DLGAP1: variants seen among roughly 807,000 people sequenced by gnomAD.
DLGAP1 encodes disks large-associated protein 1.
DLGAP1 carries 11 observed loss-of-function variants against 90.8 expected under a neutral mutation model. The observed-to-expected ratio is 0.12, with a 90% CI of 0.08 to 0.20. The LOEUF (loss-of-function observed/expected upper bound fraction) is 0.20, where lower values mean the gene tolerates loss of function less well. DLGAP1 is among the 10% of genes least tolerant of loss of function. The pLI is 1.00. For synonymous variants in DLGAP1, 558 were observed against 540.7 expected (o/e 1.03, Z -0.44); for missense variants, 1,050 against 1,333.8 (o/e 0.79, Z 3.31).
In DLGAP1 at chr18:3,791,307, C is replaced by G. The variant is rs541926362; in HGVS notation, c.1172+22752G>C. On this transcript the variant is annotated intron_variant, in intron 5 of 12. Coordinates refer to ENST00000315677, the MANE Select transcript of DLGAP1 (RefSeq NM_004746.4). ...GCTTAATATAGCGTAGCAGTACTCA[C>G]TAGAAATCAGCGCAGATGGGAAGGC... Among the ~76,000 whole-genome samples, 124 of 152,340 alleles carry G rather than the reference C, an allele frequency of 8.1e-4. 3 individuals are homozygous for G. The Middle Eastern group carries it at 0.01, about 13-fold the overall frequency.
chr18:3,666,890 G>A (rs899172068), intron 7 of DLGAP1, among the ~76,000 whole-genome samples: 1 of 152,056 alleles, frequency 6.6e-6, no homozygotes, highest in East Asian at 1.9e-4. Flanking sequence ...CGTAGTAGCT[G>A]CAACTACAGG....
At chr18:3,815,088 A>G (rs1568180623) in intron 4 of DLGAP1, among the ~76,000 whole-genome samples, 1 of 152,244 alleles carries the variant, frequency 6.6e-6, no homozygotes, top group South Asian at 2.1e-4. Flanking sequence ...TAAGAATGCC[A>G]TTTGAAAGGA....
chr18:4,312,300 G>A (rs1416549141), intron 1 of DLGAP1, among the ~76,000 whole-genome samples: 1 of 152,126 alleles, frequency 6.6e-6, no homozygotes, highest in African/African-American at 2.4e-5. Flanking sequence ...CAATGCCTAC[G>A]ATTTATACAC....
chr18:3,809,387 T>C (rs933754710), intron 5 of DLGAP1, among the ~76,000 whole-genome samples: 3 of 152,222 alleles, frequency 2.0e-5, no homozygotes, highest in Non-Finnish European at 2.9e-5. Context: ...TTTTCCAATT[T>C]ATCTAAAACA....
intron 1 of DLGAP1, among the ~76,000 whole-genome samples, chr18:4,340,395 A>G (rs1004389314): frequency 2.0e-5 from 3 of 152,146 alleles, no homozygotes; most frequent in African/African-American, 7.2e-5. Context: ...AAAACTTAGA[A>G]TTTATTTCTG....
At chr18:4,040,683 AT>A (rs543063280) in intron 2 of DLGAP1, among the ~76,000 whole-genome samples, 3 of 152,184 alleles carry the variant, frequency 2.0e-5, no homozygotes, top group Non-Finnish European at 4.4e-5. Flanking sequence ...AGTGGTGCTC[AT>A]GGCAAATTAT....
intron 1 of DLGAP1, among the ~76,000 whole-genome samples, chr18:4,155,148 G>A (rs932965057): frequency 1.3e-5 from 2 of 152,086 alleles, no homozygotes; most frequent in Non-Finnish European, 2.9e-5. Flanking sequence ...GGGTGTTCCA[G>A]GCAGAGGGAC....
intron 3 of DLGAP1, among the ~76,000 whole-genome samples, chr18:3,885,008 A>C (rs1191040162): frequency 6.6e-6 from 1 of 152,220 alleles, no homozygotes; most frequent in Non-Finnish European, 1.5e-5. Flanking sequence ...TTAAAATGAA[A>C]ATAGGTCAAT....
At chr18:4,089,808 G>T (rs2075741678) in intron 2 of DLGAP1, among the ~76,000 whole-genome samples, 1 of 152,182 alleles carries the variant, frequency 6.6e-6, no homozygotes, top group African/African-American at 2.4e-5. Flanking sequence ...CACTTTGGGA[G>T]GCCGAGGCGG....
At chr18:3,545,897 T>G (rs556826345) in intron 9 of DLGAP1, among the ~76,000 whole-genome samples, 1 of 152,142 alleles carries the variant, frequency 6.6e-6, no homozygotes, top group Non-Finnish European at 1.5e-5. Context: ...AAGAGATCAA[T>G]TCATCAAAAG....
Position 3,572,419 on chromosome 18 carries a change from G to A in DLGAP1, c.1966-4838C>T, listed in dbSNP as rs184210243. Among the ~76,000 whole-genome samples, 244 of 142,606 alleles carry A rather than the reference G, an allele frequency of 1.7e-3. 1 individual carries two copies. The highest frequency in any genetic ancestry group is 6.3e-3 in the African/African-American group (239 of 37,642). The allele number at this position is 142,606 out of a possible 152,430, so 93.6% of individuals were successfully genotyped here. A position where few individuals can be genotyped will look rare whatever the true frequency, so the allele number is the denominator to read the frequency against. On this transcript the variant is annotated intron_variant, in intron 8 of 12. Coordinates refer to ENST00000315677, the MANE Select transcript of DLGAP1 (RefSeq NM_004746.4). ...CGTCTTTAAGCAGAAGTTTAGATTGGTTTCTTTTATTTATTTATTTGTTTG... is the reference window on the plus strand; with the variant it reads ...CGTCTTTAAGCAGAAGTTTAGATTGATTTCTTTTATTTATTTATTTGTTTG...
chr18:3,920,557 C>A (rs1021602779), intron 3 of DLGAP1, among the ~76,000 whole-genome samples: 3 of 152,130 alleles, frequency 2.0e-5, no homozygotes, highest in Non-Finnish European at 4.4e-5. Context: ...TCACATTTCT[C>A]ACCCCTTAAT....
At chr18:3,869,232 C>T (rs896213828) in intron 4 of DLGAP1, among the ~76,000 whole-genome samples, 1 of 151,600 alleles carries the variant, frequency 6.6e-6, no homozygotes, top group African/African-American at 2.4e-5. Context: ...AATATCAAGC[C>T]ATGGGAAAAC....
chr18:4,413,598 A>G (rs1056586638), intron 1 of DLGAP1, among the ~76,000 whole-genome samples: 2 of 152,204 alleles, frequency 1.3e-5, no homozygotes, highest in Non-Finnish European at 2.9e-5. Flanking sequence ...AATTCTAGGA[A>G]AGTTAATCTT....
At chr18:3,999,677 A>C (rs1899428) in intron 3 of DLGAP1, among the ~76,000 whole-genome samples, 99,300 of 151,832 alleles carry the variant, frequency 0.65, 33,010 homozygotes, top group East Asian at 0.77. Flanking sequence ...AAATTCAAGC[A>C]TATGATTTTG....
chr18:4,097,198 C>T (rs1198672882), intron 2 of DLGAP1, among the ~76,000 whole-genome samples: 3 of 152,212 alleles, frequency 2.0e-5, no homozygotes, highest in Non-Finnish European at 2.9e-5. Flanking sequence ...ATCAGGACTT[C>T]GTCCCAACCT....
intron 2 of DLGAP1, among the ~76,000 whole-genome samples, chr18:4,012,498 G>A (rs60204014): frequency 0.079 from 12,005 of 152,118 alleles, 1,431 homozygotes; most frequent in African/African-American, 0.25. Context: ...CTGGGCATGA[G>A]ACATACTCCT....
chr18:3,607,592 T>C (rs1360724015), intron 7 of DLGAP1: 2 of 152,244 alleles, frequency 1.3e-5, no homozygotes, highest in Admixed American at 6.5e-5. Context: ...CAGCCAAATA[T>C]TGGCCGGTAA....
intron 1 of DLGAP1, among the ~76,000 whole-genome samples, chr18:4,427,340 G>A (rs2083179783): frequency 6.6e-6 from 1 of 152,112 alleles, no homozygotes; most frequent in African/African-American, 2.4e-5. Flanking sequence ...ACAAAGGATG[G>A]GACTTGGAGG....
Sources: gnomAD v4.1 joint callset for allele counts (sites outside exome capture counted in the v4.1 genomes callset) on GRCh38, gnomAD v4.1.1 for gene constraint, MANE v1.5 for transcripts, NCBI Gene and HGNC (gene_info 2026-07-23, HGNC 2026-07-21) for gene names.